Variants in GULP1 observed in about 807,000 individuals in gnomAD.
The protein encoded by GULP1 is GULP PTB domain containing engulfment adaptor 1.
A neutral mutation model predicts 40.9 loss-of-function variants in GULP1; 19 were observed. The ratio of observed to expected loss-of-function variants is 0.46; its 90% CI spans 0.32 to 0.68. The LOEUF is 0.68. Ranked by LOEUF, GULP1 falls within the 30% of genes least tolerant of loss-of-function variation. GULP1 has a pLI of 0.03. For synonymous variants in GULP1, 119 were observed against 117.6 expected, an observed-to-expected ratio of 1.01 and a Z score of -0.08; for missense variants, 312 against 362.2, an observed-to-expected ratio of 0.86 and a Z score of 1.12.
chr2:188,435,910 A>G (rs1559238171), intron 2 of GULP1, among the ~76,000 whole-genome samples: 1 of 152,100 alleles, frequency 6.6e-6, no homozygotes, highest in Non-Finnish European at 1.5e-5. Flanking sequence ...TCTTTTCTTT[A>G]AAAAGGCCCA....
chr2:188,537,265 G>A (rs528218672), intron 6 of GULP1, among the ~76,000 whole-genome samples: 4 of 152,044 alleles, frequency 2.6e-5, no homozygotes, highest in African/African-American at 9.6e-5. Context: ...TCTTGTTCCA[G>A]TTCTCAAGGG....
At chr2:188,589,716 C>T in intron 11 of GULP1, 1 of 1,325,594 alleles carries the variant, frequency 7.5e-7, no homozygotes, top group Non-Finnish European at 1.0e-6. Flanking sequence ...TTTTTAAATT[C>T]TTTACTGCTT....
At chr2:188,451,879 G>T (rs1475566361) in intron 2 of GULP1, among the ~76,000 whole-genome samples, 2 of 152,082 alleles carry the variant, frequency 1.3e-5, no homozygotes, top group Non-Finnish European at 2.9e-5. Flanking sequence ...TATATAGTAA[G>T]TTAAAGTTTT....
intron 1 of GULP1, among the ~76,000 whole-genome samples, chr2:188,302,638 G>C (rs1233638258): frequency 1.3e-5 from 2 of 152,162 alleles, no homozygotes; most frequent in African/African-American, 2.4e-5. Context: ...AAGAGCTAGT[G>C]ACAAAGATTT....
chr2:188,534,881 G>A (rs1688513909), intron 6 of GULP1, among the ~76,000 whole-genome samples: 1 of 151,778 alleles, frequency 6.6e-6, no homozygotes, highest in African/African-American at 2.4e-5. Flanking sequence ...AGTGAAGTGG[G>A]GTTCAACTCA....
intron 1 of GULP1, among the ~76,000 whole-genome samples, chr2:188,347,024 A>C (rs1037232634): frequency 1.3e-5 from 2 of 152,054 alleles, no homozygotes; most frequent in African/African-American, 4.8e-5. Flanking sequence ...TTTACAGCTG[A>C]TAAAGCACTG....
intron 7 of GULP1, among the ~76,000 whole-genome samples, chr2:188,550,631 T>C (rs1693210310): frequency 6.6e-6 from 1 of 151,594 alleles, no homozygotes; most frequent in African/African-American, 2.4e-5. Flanking sequence ...AAAGGGTTCA[T>C]TGTCAAAAGA....
At chr2:188,435,818 T>G (rs777764601) in intron 2 of GULP1, among the ~76,000 whole-genome samples, 8 of 152,028 alleles carry the variant, frequency 5.3e-5, no homozygotes, top group Admixed American at 3.3e-4. Flanking sequence ...CTTTTTGTAG[T>G]CTCTAATGTT....
At chr2:188,431,579 G>A (rs1011316470) in intron 2 of GULP1, among the ~76,000 whole-genome samples, 1 of 152,034 alleles carries the variant, frequency 6.6e-6, no homozygotes, top group Non-Finnish European at 1.5e-5. Flanking sequence ...TTATGTATTA[G>A]CATATTTTAA....
chr2:188,414,236 A>G (rs1279193073), intron 2 of GULP1, among the ~76,000 whole-genome samples: 1 of 151,128 alleles, frequency 6.6e-6, no homozygotes, highest in Non-Finnish European at 1.5e-5. Context: ...AAAAAAAAAA[A>G]GAAAAAGAAG....
intron 7 of GULP1, among the ~76,000 whole-genome samples, chr2:188,559,760 C>T (rs1343078256): frequency 2.0e-5 from 3 of 152,090 alleles, no homozygotes; most frequent in Non-Finnish European, 2.9e-5. Context: ...GTGTCCCCAC[C>T]CAAATCTCAT....
At chr2:188,569,546 T>C (rs1030405893) in intron 8 of GULP1, 191 bp downstream of exon 8, 2 of 532,338 alleles carry the variant, frequency 3.8e-6, no homozygotes, top group Non-Finnish European at 6.7e-6. Flanking sequence ...AACTATTTTA[T>C]ATTGAATTCC....
At chr2:188,540,387 T>C (rs1473399949) in intron 6 of GULP1, among the ~76,000 whole-genome samples, 1 of 151,732 alleles carries the variant, frequency 6.6e-6, no homozygotes, top group Non-Finnish European at 1.5e-5. Flanking sequence ...TAAATATTTT[T>C]ATTTTAATGA....
chr2:188,505,704 G>T (rs952361459), intron 4 of GULP1, among the ~76,000 whole-genome samples: 2 of 151,784 alleles, frequency 1.3e-5, no homozygotes, highest in Non-Finnish European at 2.9e-5. Flanking sequence ...TCATATGGAA[G>T]ATCACAACCA....
intron 1 of GULP1, among the ~76,000 whole-genome samples, chr2:188,293,392 A>G (rs191695163): frequency 6.6e-6 from 1 of 152,338 alleles, no homozygotes; most frequent in Admixed American, 6.5e-5. Flanking sequence ...TGAGAATAAA[A>G]AGTTACGGAG....
intron 7 of GULP1, chr2:188,541,689 C>A (rs894415699): frequency 2.4e-5 from 9 of 368,166 alleles, no homozygotes; most frequent in Non-Finnish European, 4.3e-5. Context: ...ACGTGTGTTT[C>A]CCCCACATGT....
chr2:188,388,473 G>T (rs981012550), intron 2 of GULP1, among the ~76,000 whole-genome samples: 8 of 151,976 alleles, frequency 5.3e-5, no homozygotes, highest in African/African-American at 1.7e-4. Flanking sequence ...AGTCCAGGAG[G>T]TGAAGGTCAC....
intron 1 of GULP1, among the ~76,000 whole-genome samples, chr2:188,317,532 A>G (rs1009622766): frequency 6.6e-6 from 1 of 151,934 alleles, no homozygotes; most frequent in Non-Finnish European, 1.5e-5. Flanking sequence ...ATATCTTTAC[A>G]TTGTTTTATT....
intron 11 of GULP1, chr2:188,590,527 A>T (rs1463357122): frequency 6.6e-6 from 1 of 152,174 alleles, no homozygotes; most frequent in Non-Finnish European, 1.5e-5. Context: ...GAGTATTGTG[A>T]CTAAGCTATT....
Sources: gnomAD v4.1 joint callset for allele counts (sites outside exome capture counted in the v4.1 genomes callset) on GRCh38, gnomAD v4.1.1 for gene constraint, MANE v1.5 for transcripts, NCBI Gene and HGNC (gene_info 2026-07-23, HGNC 2026-07-21) for gene names.